SMYD3: variants seen among roughly 807,000 people sequenced by gnomAD.
SMYD3 encodes SET and MYND domain containing 3, also known as histone-lysine N-methyltransferase SMYD3.
Under a neutral mutation model 57.7 loss-of-function variants are expected in SMYD3, and 36 were observed. That is an observed-to-expected ratio of 0.62 (90% CI 0.48 to 0.82). SMYD3 has a LOEUF of 0.82. SMYD3 is among the 40% of genes least tolerant of loss of function. SMYD3 has a pLI of 0.00. For synonymous variants in SMYD3, 211 were observed against 195.0 expected, an observed-to-expected ratio of 1.08 and a Z score of -0.68; for missense variants, 515 against 538.8, an observed-to-expected ratio of 0.96 and a Z score of 0.44.
chr1:246,060,125 T>G (rs1378244162), intron 5 of SMYD3, among the ~76,000 whole-genome samples: 1 of 151,682 alleles, frequency 6.6e-6, no homozygotes, highest in Non-Finnish European at 1.5e-5. Flanking sequence ...TTGTCTCTAC[T>G]AAAAGAAAAA....
intron 10 of SMYD3, among the ~76,000 whole-genome samples, chr1:245,793,174 TG>T (rs2047367910): frequency 6.7e-6 from 1 of 150,106 alleles, no homozygotes; most frequent in African/African-American, 2.5e-5. Context: ...CCGGGCATGG[TG>T]GCGGGTGCCT....
chr1:246,165,990 G>A (rs1204166652), intron 5 of SMYD3, among the ~76,000 whole-genome samples: 2 of 152,070 alleles, frequency 1.3e-5, no homozygotes, highest in Non-Finnish European at 2.9e-5. Context: ...CTGAATGGGA[G>A]AGATCAGGAA....
rs193157480 is a variant in SMYD3, at chr1:246,283,567, A to C, written c.531+43634T>G. Among the ~76,000 whole-genome samples, 43 of 152,346 alleles carry C rather than the reference A, an allele frequency of 2.8e-4. No individual in the cohort carries two copies. In the East Asian group the frequency reaches 6.9e-3, roughly 25 times the overall value. On this transcript the variant is annotated intron_variant, in intron 5 of 11. Coordinates refer to ENST00000490107, the MANE Select transcript of SMYD3 (RefSeq NM_001167740.2). Reference sequence around the variant, plus strand: ...ATGCATAAATAACGTCCTCATTCATATATACCTGTGTATGTTTAATTACAG... The same window carrying C: ...ATGCATAAATAACGTCCTCATTCATCTATACCTGTGTATGTTTAATTACAG...
chr1:245,818,606 G>C (rs935248286), intron 10 of SMYD3, among the ~76,000 whole-genome samples: 18 of 151,724 alleles, frequency 1.2e-4, no homozygotes, highest in African/African-American at 4.1e-4. Context: ...TGGCAAATTG[G>C]ATAAAGAGTC....
At chr1:246,268,541 A>C (rs1196111733) in intron 5 of SMYD3, among the ~76,000 whole-genome samples, 1 of 151,994 alleles carries the variant, frequency 6.6e-6, no homozygotes, top group Non-Finnish European at 1.5e-5. Context: ...ACTAAAATAC[A>C]CAAAAAAAAG....
intron 9 of SMYD3, among the ~76,000 whole-genome samples, chr1:245,863,271 T>C (rs1240149768): frequency 6.6e-6 from 1 of 152,204 alleles, no homozygotes; most frequent in Non-Finnish European, 1.5e-5. Context: ...CCTTCCCAGA[T>C]GACCTTCATC....
chr1:246,196,208 T>C (rs2062829351), intron 5 of SMYD3, among the ~76,000 whole-genome samples: 1 of 152,218 alleles, frequency 6.6e-6, no homozygotes, highest in African/African-American at 2.4e-5. Flanking sequence ...TGGTTGTTTC[T>C]AAATTTCCTG....
At chr1:245,892,015 A>T (rs1015124195) in intron 8 of SMYD3, among the ~76,000 whole-genome samples, 1 of 152,174 alleles carries the variant, frequency 6.6e-6, no homozygotes, top group Non-Finnish European at 1.5e-5. Context: ...CCTGGGCGAA[A>T]GAGTGACGCC....
At chr1:246,054,873 T>TAAAAAAAAAAAA (rs749022916) in intron 5 of SMYD3, among the ~76,000 whole-genome samples, 2 of 79,120 alleles carry the variant, frequency 2.5e-5, no homozygotes, top group African/African-American at 7.7e-5. Flanking sequence ...AGGATGACTA[T>TAAAAAAAAAAAA]AAAAAAAAAA....
At chr1:245,762,512 C>T (rs560114439) in intron 11 of SMYD3, among the ~76,000 whole-genome samples, 55 of 152,242 alleles carry the variant, frequency 3.6e-4, no homozygotes, top group Admixed American at 1.0e-3. Flanking sequence ...ACAAGTACCC[C>T]CAGACCAGAA....
intron 1 of SMYD3, among the ~76,000 whole-genome samples, chr1:246,358,762 C>A (rs1327862438): frequency 6.6e-6 from 1 of 152,114 alleles, no homozygotes. Context: ...AGTCTTTGAA[C>A]TGAACAATAA....
chr1:246,143,621 T>C (rs185989475), intron 5 of SMYD3, among the ~76,000 whole-genome samples: 2 of 152,292 alleles, frequency 1.3e-5, no homozygotes, highest in African/African-American at 2.4e-5. Flanking sequence ...TGATCCATGA[T>C]TGTGTCACTG....
rs186771372 is a variant in SMYD3, at chr1:246,355,969, T to A, written c.165-875A>T. Among the ~76,000 whole-genome samples the A allele has an allele frequency of 2.0e-5, 3 of 152,252 alleles. No homozygotes were observed. The highest frequency in any genetic ancestry group is 4.8e-5 in the African/African-American group (2 of 41,542). On this transcript the variant is annotated intron_variant, in intron 1 of 11. Transcript: ENST00000490107. This position sits in a 1 kb window ranked among gnomAD's most constrained non-coding sequence, Gnocchi z 5.0. ...GCGACCTTAGGGCAAGTTTGCTTCC[T>A]CCCTGTAGGACCACAGCTGATGTGT...
chr1:245,830,332 C>A (rs2049760280), intron 10 of SMYD3, among the ~76,000 whole-genome samples: 1 of 152,194 alleles, frequency 6.6e-6, no homozygotes, highest in Non-Finnish European at 1.5e-5. Flanking sequence ...GCACGTCCTA[C>A]ATGGCGGCAG....
At chr1:246,047,414 G>A (rs2059988065) in intron 5 of SMYD3, among the ~76,000 whole-genome samples, 1 of 152,184 alleles carries the variant, frequency 6.6e-6, no homozygotes, top group Non-Finnish European at 1.5e-5. Context: ...GTGGGGAAAA[G>A]AACCATTTGT....
At chr1:246,017,210 G>GA (rs1486185633) in intron 5 of SMYD3, among the ~76,000 whole-genome samples, 6 of 152,088 alleles carry the variant, frequency 3.9e-5, no homozygotes, top group African/African-American at 1.4e-4. Flanking sequence ...AACAGTGCAA[G>GA]AATAGAATAG....
At chr1:246,426,161 G>A (rs1391642714) in intron 1 of SMYD3, 1 of 152,008 alleles carries the variant, frequency 6.6e-6, no homozygotes, top group East Asian at 1.9e-4. Context: ...CATTTATGAA[G>A]GCTTTTGATT....
intron 5 of SMYD3, among the ~76,000 whole-genome samples, chr1:246,061,886 C>T (rs1249364775): frequency 6.6e-6 from 1 of 152,080 alleles, no homozygotes; most frequent in African/African-American, 2.4e-5. Context: ...AGAGGTGGTG[C>T]TTCTCAGAGT....
chr1:245,890,304 T>C (rs2053309400), intron 8 of SMYD3, among the ~76,000 whole-genome samples: 1 of 152,044 alleles, frequency 6.6e-6, no homozygotes, highest in Admixed American at 6.6e-5. Flanking sequence ...ACCCACAGAA[T>C]GGGTGAAAAT....
Sources: gnomAD v4.1 joint callset for allele counts (sites outside exome capture counted in the v4.1 genomes callset) on GRCh38, gnomAD v4.1.1 for gene constraint, Gnocchi (gnomAD v3.1) non-coding constraint, MANE v1.5 for transcripts, NCBI Gene and HGNC (gene_info 2026-07-23, HGNC 2026-07-21) for gene names.